PCNX3: variants seen among roughly 807,000 people sequenced by gnomAD.
PCNX3 encodes the protein pecanex-like protein 3.
PCNX3 carries 58 observed loss-of-function variants against 207.2 expected under a neutral mutation model. The observed-to-expected ratio is 0.28, with a 90% CI of 0.23 to 0.35. The LOEUF is 0.35. PCNX3 is among the 10% of genes least tolerant of loss of function. The probability of loss-of-function intolerance (pLI) is 1.00; values close to 1 mark genes in which losing one functional copy is unlikely to be tolerated. For synonymous variants in PCNX3, 1,337 were observed against 1,183.5 expected (o/e 1.13, Z -2.66); for missense variants, 2,410 against 2,774.4 (o/e 0.87, Z 2.95).
At position 65,636,210 on chromosome 11, in the gene PCNX3, C is replaced by T. The variant is rs370364400; in HGVS notation, c.5496C>T (p.Gly1832=). The T allele has an allele frequency of 1.5e-4, 243 of 1,583,264 alleles. No individual in the cohort carries two copies. The African/African-American group carries it at 2.9e-3, about 19-fold the overall frequency. Residue 1832 remains glycine (G), a synonymous_variant, in exon 33 of 35, where the codon GGC becomes GGT. Transcript: ENST00000355703. ...GCTGTGGCGCCGGCTGCAATAGTGG[C>T]GGGAACGTGGATGATTCAGACTGTA... ...HKGCGAGCNS[G]GNVDDSDCSG... is the part of the protein sequence containing the mutation.
intron 26 of PCNX3, 146 bp downstream of exon 26, chr11:65,629,881 C>A: frequency 1.1e-6 from 1 of 877,148 alleles, no homozygotes; most frequent in Non-Finnish European, 1.8e-6. Flanking sequence ...CCTCCCTGGG[C>A]CTGCGTTTCC....
At chr11:65,627,175 C>A in intron 21 of PCNX3, 127 bp downstream of exon 21, 1 of 1,320,454 alleles carries the variant, frequency 7.6e-7, no homozygotes, top group Non-Finnish European at 1.0e-6. Flanking sequence ...AGGACCCCAG[C>A]TCCTGACACG....
chr11:65,618,188 G>C lies in PCNX3; in HGVS notation c.826G>C (p.Ala276Pro), dbSNP rs1008992967. 1 of 1,602,578 alleles carries C rather than the reference G, an allele frequency of 6.2e-7. No homozygotes were observed. Among genetic ancestry groups the C allele is most frequent in the Admixed American group, 1.7e-5 (1 of 58,870 alleles). Reference sequence around the variant, plus strand: ...CAGTCGACGGGAACAACGCAGGGGGGCAGGTGGCTATCAGCCCCTTGACCG... The same window carrying C: ...CAGTCGACGGGAACAACGCAGGGGGCCAGGTGGCTATCAGCCCCTTGACCG... ...TSSRREQRRG[A>P]GGYQPLDRRG... is the part of the protein sequence containing the mutation. Residue 276 changes from alanine to proline, a missense_variant, in exon 6 of 35, where the codon GCA becomes CCA. By Grantham distance (27) the Ala-to-Pro change is conservative (BLOSUM62 -1). Transcript: ENST00000355703.
intron 11 of PCNX3, among the ~76,000 whole-genome samples, chr11:65,622,881 C>T (rs930863679): frequency 1.3e-5 from 2 of 152,128 alleles, no homozygotes; most frequent in African/African-American, 2.4e-5. Context: ...GGATTACAGG[C>T]GTGAGCTACC....
chr11:65,635,913 GA>G lies in PCNX3; in HGVS notation c.5459+111del. 7.1e-7 allele frequency: 1 copy of G among 1,414,844 alleles called. No homozygotes were observed. The highest frequency in any genetic ancestry group is 2.5e-5 in the East Asian group (1 of 40,276). 87.6% of individuals were successfully genotyped at this position (1,414,844 alleles called of 1,614,324 possible). On this transcript the variant is annotated intron_variant, in intron 32 of 34. Transcript: ENST00000355703. The surrounding 1 kb of genome is among the most constrained non-coding windows in gnomAD (Gnocchi z 9.9). ...GCTGGAGCCAGGGCTTGAATCCCGAGAGATGACCCCCTCCCAGAGCTGACCT... is the reference window on the plus strand; with the variant it reads ...GCTGGAGCCAGGGCTTGAATCCCGAGGATGACCCCCTCCCAGAGCTGACCT...
At position 65,625,517 on chromosome 11, in the gene PCNX3, G is replaced by A; in HGVS notation, c.3135+7G>A. 6.3e-7 allele frequency: 1 copy of A among 1,598,344 alleles called. No individual in the cohort carries two copies. Among genetic ancestry groups the A allele is most frequent in the Non-Finnish European group, 8.5e-7 (1 of 1,175,742 alleles). On this transcript the variant is annotated splice_region_variant and intron_variant, in intron 18 of 34. Coordinates refer to ENST00000355703, the MANE Select transcript of PCNX3 (RefSeq NM_032223.4). This position sits in a 1 kb window ranked among gnomAD's most constrained non-coding sequence, Gnocchi z 5.6. ...CAAGATGCGCCAGTCGGTGGTGAGG[G>A]GGCGGGGGGTGGGGGTCTGTGGGGA...
Position 65,622,314 on chromosome 11 carries a change from C to T in PCNX3, c.2305C>T (p.Arg769Cys), listed in dbSNP as rs1246132115. The change falls in exon 11 of 35, where the codon CGC becomes TGC. Residue 769 changes from arginine (R) to cysteine (C), a missense_variant. Physicochemically the swap from Arg to Cys is radical, Grantham distance 180 (BLOSUM62 -3). This residue lies in a region of PCNX3 where 177 missense variants were observed against 257.5 expected (regional missense o/e 0.69). Coordinates refer to ENST00000355703, the MANE Select transcript of PCNX3 (RefSeq NM_032223.4). Reference protein sequence around the residue: ...HSYKYWLLPGRWTSVRYERLA... With the variant: ...HSYKYWLLPGCWTSVRYERLA... ...TTACAAGTACTGGCTTCTCCCTGGC[C>T]GCTGGACCTCTGTGCGCTATGAGCG... The T allele has an allele frequency of 1.0e-5, 16 of 1,596,710 alleles. No homozygotes were observed. The African/African-American group carries it at 1.1e-4, about 11-fold the overall frequency.
intron 20 of PCNX3, chr11:65,626,462 T>C (rs924498112): frequency 1.4e-4 from 54 of 393,840 alleles, no homozygotes; most frequent in African/African-American, 1.1e-3. Context: ...AGCATCTCGA[T>C]TTGAGATATG....
intron 7 of PCNX3, 40 bp downstream of exon 7, chr11:65,619,700 CG>C (rs1854976114): frequency 1.3e-6 from 2 of 1,569,122 alleles, no homozygotes; most frequent in Non-Finnish European, 1.7e-6. Context: ...CACCGGGGGC[CG>C]GGGAGGGCCC....
intron 20 of PCNX3, chr11:65,626,672 C>A: frequency 1.7e-6 from 1 of 588,474 alleles, no homozygotes; most frequent in Non-Finnish European, 3.0e-6. Flanking sequence ...CTTGTTTTAA[C>A]AGACAGCAGA....
chr11:65,622,336 A>T lies in PCNX3; in HGVS notation c.2327A>T (p.Glu776Val). 1 of 1,595,922 alleles carries T rather than the reference A, an allele frequency of 6.3e-7. No individual in the cohort carries two copies. Among genetic ancestry groups the T allele is most frequent in the Non-Finnish European group, 8.5e-7 (1 of 1,172,372 alleles). Residue 776 changes from glutamate (E) to valine (V), a missense_variant, in exon 11 of 35, where the codon GAG becomes GTG. Around this residue, in one of 8 missense-constraint regions of PCNX3, gnomAD observed 177 missense variants for 257.5 expected, o/e 0.69. Transcript: ENST00000355703. ...LPGRWTSVRY[E>V]RLALLALLDR... Reference sequence around the variant, plus strand: ...GGCCGCTGGACCTCTGTGCGCTATGAGCGGCTTGCCCTGCTGGCTCTGCTG... The same window carrying T: ...GGCCGCTGGACCTCTGTGCGCTATGTGCGGCTTGCCCTGCTGGCTCTGCTG...
At chr11:65,623,687 C>T (rs749322029) in intron 12 of PCNX3, 43 bp downstream of exon 12, 2 of 1,595,098 alleles carry the variant, frequency 1.3e-6, no homozygotes, top group Non-Finnish European at 1.7e-6. Context: ...CCCGACTTTT[C>T]CCAAGATTGC....
At chr11:65,633,950 A>G in intron 27 of PCNX3, 176 bp from the exon 28 acceptor site, 1 of 631,366 alleles carries the variant, frequency 1.6e-6, no homozygotes, top group Non-Finnish European at 2.7e-6. Context: ...TCCCTGGTCT[A>G]GGGGAAGGAG....
chr11:65,620,776 CA>C, intron 9 of PCNX3, 54 bp from the exon 10 acceptor site: 1 of 1,568,094 alleles, frequency 6.4e-7, no homozygotes, highest in Non-Finnish European at 8.6e-7. Flanking sequence ...GCCTCGACCC[CA>C]CCCAGCCCCA....
chr11:65,625,893 C>T lies in PCNX3; in HGVS notation c.3229-11C>T, dbSNP rs368832646. 7.3e-4 allele frequency: 1,168 copies of T among 1,610,690 alleles called. 1 individual carries two copies. Among genetic ancestry groups the T allele is most frequent in the Non-Finnish European group, 8.9e-4 (1,046 of 1,178,044 alleles). Reference sequence around the variant, plus strand: ...CCCATCAGCTGAGTCTCTGGCCTCTCCCTCCTGCAGTCGGTGCTGGGTTTC... The same window carrying T: ...CCCATCAGCTGAGTCTCTGGCCTCTTCCTCCTGCAGTCGGTGCTGGGTTTC... On this transcript the variant is annotated splice_polypyrimidine_tract_variant and intron_variant, in intron 19 of 34. Coordinates refer to ENST00000355703, the MANE Select transcript of PCNX3 (RefSeq NM_032223.4). The surrounding 1 kb of genome is among the most constrained non-coding windows in gnomAD (Gnocchi z 5.6).
rs755905203 is a variant in PCNX3, at chr11:65,625,538, G to T, written c.3135+28G>T. ...GAGGGGGCGGGGGGTGGGGGTCTGT[G>T]GGGAGGTGGTGACAGGTCCTGGGGT... On this transcript the variant is annotated intron_variant, in intron 18 of 34. Coordinates refer to ENST00000355703, the MANE Select transcript of PCNX3 (RefSeq NM_032223.4). This position sits in a 1 kb window ranked among gnomAD's most constrained non-coding sequence, Gnocchi z 5.6. 1.3e-6 allele frequency: 2 copies of T among 1,577,448 alleles called. No individual in the cohort carries two copies. Among genetic ancestry groups the T allele is most frequent in the East Asian group, 2.3e-5 (1 of 43,748 alleles).
At chr11:65,629,498 GC>G in intron 25 of PCNX3, 21 bp from the exon 26 acceptor site, 1 of 1,613,016 alleles carries the variant, frequency 6.2e-7, no homozygotes, top group Non-Finnish European at 8.5e-7. Context: ...TTGTCCATTT[GC>G]CCGTCTGTTC....
Position 65,634,960 on chromosome 11 carries a change from TC to T in PCNX3, c.4806-11del. On this transcript the variant is annotated splice_polypyrimidine_tract_variant and intron_variant, in intron 29 of 34. Coordinates refer to ENST00000355703, the MANE Select transcript of PCNX3 (RefSeq NM_032223.4). Reference sequence around the variant, plus strand: ...CACCCCTCTCTCCCCTCCCTGTTTTTCCTCCCACTTAGCCTGGAGCCCTTCC... The same window carrying T: ...CACCCCTCTCTCCCCTCCCTGTTTTTCTCCCACTTAGCCTGGAGCCCTTCC... The T allele has an allele frequency of 6.2e-7, 1 of 1,606,328 alleles. No individual in the cohort carries two copies. Among genetic ancestry groups the T allele is most frequent in the Non-Finnish European group, 8.5e-7 (1 of 1,174,354 alleles).
intron 8 of PCNX3, 72 bp downstream of exon 8, chr11:65,620,004 T>G: frequency 6.9e-7 from 1 of 1,454,020 alleles, no homozygotes; most frequent in Non-Finnish European, 9.3e-7. Flanking sequence ...CTCCTAGCAG[T>G]GGTGCTCGCT....
Sources: allele counts gnomAD v4.1 joint callset (sites outside exome capture counted in the v4.1 genomes callset), GRCh38; gene constraint gnomAD v4.1.1; regional missense constraint gnomAD v4.1.1; non-coding constraint Gnocchi (gnomAD v3.1); transcripts MANE v1.5; gene names NCBI Gene and HGNC (gene_info 2026-07-23, HGNC 2026-07-21).